METTL15: variants seen among roughly 807,000 people sequenced by gnomAD.
The protein encoded by METTL15 is methyltransferase 15, mitochondrial 12S rRNA N4-cytidine, also known as 12S rRNA N(4)-cytidine methyltransferase METTL15.
Under a neutral mutation model 38.3 loss-of-function variants are expected in METTL15, and 34 were observed. The ratio of observed to expected loss-of-function variants is 0.89; its 90% CI spans 0.68 to 1.18. The LOEUF (loss-of-function observed/expected upper bound fraction) is 1.18. Among genes scored for constraint, METTL15 ranks in the 50% most tolerant of loss-of-function variants. The pLI, the probability that METTL15 is intolerant of heterozygous loss-of-function variation, is 0.00. For missense variants in METTL15, 438 were observed against 498.4 expected (o/e 0.88, Z 1.15); for synonymous variants, 162 against 170.9 (o/e 0.95, Z 0.41).
chr11:28,122,728 G>A (rs916303101), intron 3 of METTL15, among the ~76,000 whole-genome samples: 29 of 151,588 alleles, frequency 1.9e-4, no homozygotes, highest in African/African-American at 7.0e-4. Flanking sequence ...CTGAATTAAT[G>A]CATTTTCATC....
chr11:28,305,278 A>G (rs1287398850), intron 6 of METTL15, among the ~76,000 whole-genome samples: 6 of 152,180 alleles, frequency 3.9e-5, no homozygotes, highest in Non-Finnish European at 7.4e-5. Flanking sequence ...TTGTGGCACC[A>G]AATGGGGAGC....
At chr11:28,307,048 A>T (rs925089449) in intron 6 of METTL15, among the ~76,000 whole-genome samples, 1 of 151,946 alleles carries the variant, frequency 6.6e-6, no homozygotes, top group Admixed American at 6.6e-5. Flanking sequence ...ATCATTTCCC[A>T]AACATTTTAA....
chr11:28,293,945 G>T (rs1450280872), intron 5 of METTL15, among the ~76,000 whole-genome samples: 3 of 152,254 alleles, frequency 2.0e-5, no homozygotes, highest in South Asian at 2.1e-4. Flanking sequence ...ATCAGCTTAA[G>T]GAGATTTTGG....
chr11:28,450,498 A>G (rs1851111137), intron 6 of METTL15, among the ~76,000 whole-genome samples: 2 of 152,216 alleles, frequency 1.3e-5, no homozygotes, highest in Non-Finnish European at 2.9e-5. Context: ...AGCCTTTTGT[A>G]TGTATCCTTT....
intron 5 of METTL15, among the ~76,000 whole-genome samples, chr11:28,398,125 T>G (rs897409483): frequency 5.9e-5 from 9 of 152,020 alleles, no homozygotes; most frequent in Admixed American, 5.3e-4. Flanking sequence ...CATTAGGAGA[T>G]ATACCTAATT....
intron 3 of METTL15, among the ~76,000 whole-genome samples, chr11:28,196,622 A>G (rs1011364310): frequency 3.3e-5 from 5 of 151,970 alleles, no homozygotes; most frequent in Admixed American, 6.6e-5. Context: ...TTTTCTGTAT[A>G]TAAGATCATA....
chr11:28,268,048 T>C (rs998962993), intron 4 of METTL15, among the ~76,000 whole-genome samples: 1 of 151,202 alleles, frequency 6.6e-6, no homozygotes, highest in Non-Finnish European at 1.5e-5. Context: ...ATACAAAAAA[T>C]TAGCCGGGCA....
chr11:28,304,733 A>G (rs1007099837), intron 6 of METTL15, among the ~76,000 whole-genome samples: 1 of 152,166 alleles, frequency 6.6e-6, no homozygotes, highest in Non-Finnish European at 1.5e-5. Flanking sequence ...ATAAAATAAA[A>G]TAATAAAATT....
chr11:28,271,543 A>G (rs1855639899), intron 4 of METTL15, among the ~76,000 whole-genome samples: 1 of 152,188 alleles, frequency 6.6e-6, no homozygotes, highest in Non-Finnish European at 1.5e-5. Flanking sequence ...CAAAAATGCA[A>G]GATCTCTATA....
chr11:28,467,360 C>T (rs1276255005), intron 6 of METTL15, among the ~76,000 whole-genome samples: 5 of 152,174 alleles, frequency 3.3e-5, no homozygotes, highest in African/African-American at 9.7e-5. Context: ...ATAACACCTC[C>T]GTGGGCAACT....
intron 6 of METTL15, among the ~76,000 whole-genome samples, chr11:28,450,785 C>T (rs1410526523): frequency 1.3e-5 from 2 of 152,146 alleles, no homozygotes; most frequent in Non-Finnish European, 2.9e-5. Context: ...TTTTCAAAGG[C>T]AATCGTAATC....
At position 28,390,468 on chromosome 11, in the gene METTL15, C is replaced by T. The variant is rs919990500; in HGVS notation, c.*358+28432C>T. Among the ~76,000 whole-genome samples the T allele has an allele frequency of 2.0e-5, 3 of 152,232 alleles. No homozygotes were observed. The South Asian group carries it at 6.2e-4, about 32-fold the overall frequency. On this transcript the variant is annotated intron_variant and NMD_transcript_variant, in intron 5 of 7. Transcript: ENST00000532947. ...ATATGGCTAGCCAGTTTTCGCAGCA[C>T]CATTTATTAAATAGGGAATCCTTTC...
chr11:28,335,979 T>G (rs986632040), downstream of METTL15, among the ~76,000 whole-genome samples: 1 of 152,182 alleles, frequency 6.6e-6, no homozygotes, highest in African/African-American at 2.4e-5. Context: ...ACTCACTGAG[T>G]ACATAGTGCT....
At chr11:28,475,077 G>A (rs1305696329) in intron 6 of METTL15, among the ~76,000 whole-genome samples, 1 of 152,124 alleles carries the variant, frequency 6.6e-6, no homozygotes, top group Non-Finnish European at 1.5e-5. Flanking sequence ...ACGCCTACAG[G>A]TCAGTTAAGC....
In METTL15 at chr11:28,282,063, A is replaced by G. The variant is rs546300693; in HGVS notation, c.408-8143A>G. Among the ~76,000 whole-genome samples the G allele has an allele frequency of 3.9e-5, 6 of 152,382 alleles. No homozygotes were observed. The East Asian group carries it at 1.2e-3, about 29-fold the overall frequency. ...TATTTCTTGAAGGGAAGGAAGGACA[A>G]TGGTTAGTAAAGATAATGCTTTCAA... On this transcript the variant is annotated intron_variant, in intron 4 of 6. Transcript: ENST00000407364.
chr11:28,243,861 A>G (rs999711550), intron 4 of METTL15, among the ~76,000 whole-genome samples: 2 of 152,338 alleles, frequency 1.3e-5, no homozygotes, highest in East Asian at 1.9e-4. Flanking sequence ...CTTTGGCCAC[A>G]TAACTACTAC....
At chr11:28,166,099 T>G (rs1049519201) in intron 3 of METTL15, among the ~76,000 whole-genome samples, 3 of 152,198 alleles carry the variant, frequency 2.0e-5, no homozygotes, top group African/African-American at 7.2e-5. Flanking sequence ...TTATTTTTGC[T>G]GAAGATTGCT....
intron 5 of METTL15, among the ~76,000 whole-genome samples, chr11:28,409,149 G>A (rs1212065769): frequency 6.6e-6 from 1 of 152,044 alleles, no homozygotes; most frequent in Non-Finnish European, 1.5e-5. Context: ...TAGGGAGGCT[G>A]AGGTGGGCGG....
chr11:28,332,127 G>T lies in METTL15; in HGVS notation c.*1286G>T, dbSNP rs1255053743. 4 of 152,114 alleles carry T rather than the reference G, an allele frequency of 2.6e-5. No individual in the cohort carries two copies. The highest frequency in any genetic ancestry group is 5.9e-5 in the Non-Finnish European group (4 of 68,016). The allele number at this position is 152,114 out of a possible 1,614,324, so 9.4% of individuals were successfully genotyped here. A position where few individuals can be genotyped will look rare whatever the true frequency, so the allele number is the denominator to read the frequency against. Reference sequence around the variant, plus strand: ...AATTTTCCTCAGACTTATTTTATCTGCCTCTGTAATATTTAACTTTAGTAC... The same window carrying T: ...AATTTTCCTCAGACTTATTTTATCTTCCTCTGTAATATTTAACTTTAGTAC... On this transcript the variant is annotated 3_prime_UTR_variant, in exon 7 of 7. Coordinates refer to ENST00000407364, the MANE Select transcript of METTL15 (RefSeq NM_001113528.2).
Sources: allele counts gnomAD v4.1 joint callset (sites outside exome capture counted in the v4.1 genomes callset), GRCh38; gene constraint gnomAD v4.1.1; transcripts MANE v1.5; gene names NCBI Gene and HGNC (gene_info 2026-07-23, HGNC 2026-07-21).